ERICH2: variants seen among roughly 807,000 people sequenced by gnomAD.
ERICH2 encodes glutamate-rich protein 2.
A neutral mutation model predicts 17.4 loss-of-function variants in ERICH2; 17 were observed. The ratio of observed to expected loss-of-function variants is 0.98; its 90% CI spans 0.67 to 1.47. The LOEUF is 1.47. Among genes scored for constraint, ERICH2 ranks in the 40% most tolerant of loss-of-function variants. The probability of loss-of-function intolerance (pLI) is 0.00; values close to 1 mark genes in which losing one functional copy is unlikely to be tolerated. For synonymous variants in ERICH2, 51 were observed against 61.1 expected (o/e 0.83, Z 0.77); for missense variants, 186 against 183.2 (o/e 1.01, Z -0.09).
At chr2:170,786,738 A>G (rs1237763278) in intron 2 of ERICH2, among the ~76,000 whole-genome samples, 3 of 151,882 alleles carry the variant, frequency 2.0e-5, no homozygotes, top group African/African-American at 7.3e-5. Flanking sequence ...CTTCAGGTTT[A>G]TAATCTTTTC....
At chr2:170,790,360 C>T (rs971949535) in intron 2 of ERICH2, among the ~76,000 whole-genome samples, 1 of 152,162 alleles carries the variant, frequency 6.6e-6, no homozygotes, top group African/African-American at 2.4e-5. Context: ...GGCATGGTGC[C>T]TCACGCCTGT....
intron 2 of ERICH2, among the ~76,000 whole-genome samples, chr2:170,786,576 T>C (rs1413849943): frequency 6.6e-6 from 1 of 152,182 alleles, no homozygotes; most frequent in Non-Finnish European, 1.5e-5. Context: ...ATTCTTCAAA[T>C]ATTTTTTCTG....
At position 170,792,813 on chromosome 2, in the gene ERICH2, G is replaced by C. The variant is rs768681365; in HGVS notation, c.217-50G>C. 79 of 1,170,380 alleles carry C rather than the reference G, an allele frequency of 6.7e-5. No homozygotes were observed. In the South Asian group the frequency reaches 1.1e-3, roughly 16 times the overall value. 72.5% of individuals were successfully genotyped at this position (1,170,380 alleles called of 1,614,324 possible). A position where few individuals can be genotyped will look rare whatever the true frequency, so the allele number is the denominator to read the frequency against. On this transcript the variant is annotated intron_variant, in intron 2 of 4. Transcript: ENST00000409885. Reference sequence around the variant, plus strand: ...AATGGAAGATTTTCTAGGGAGTTTAGAGTTGACAACATTTAAATTCACTTA... The same window carrying C: ...AATGGAAGATTTTCTAGGGAGTTTACAGTTGACAACATTTAAATTCACTTA...
intron 3 of ERICH2, among the ~76,000 whole-genome samples, 173 bp downstream of exon 8, chr2:170,793,093 A>G (rs1176675392): frequency 6.6e-6 from 1 of 152,256 alleles, no homozygotes; most frequent in East Asian, 1.9e-4. Context: ...TTAGATCTCT[A>G]GAGTACATTT....
chr2:170,795,814 C>T (rs1328735999), intron 3 of ERICH2, among the ~76,000 whole-genome samples: 1 of 152,198 alleles, frequency 6.6e-6, no homozygotes, highest in Non-Finnish European at 1.5e-5. Flanking sequence ...GGGTACCACA[C>T]TTCTGCTCCC....
At chr2:170,780,694 CTT>C (rs532597202), upstream of ERICH2, among the ~76,000 whole-genome samples, 144 of 152,202 alleles carry the variant, frequency 9.5e-4, no homozygotes, top group Non-Finnish European at 1.7e-3. Context: ...TCATCTTACA[CTT>C]ATATTTGGCA....
intron 3 of ERICH2, among the ~76,000 whole-genome samples, chr2:170,795,514 AT>A (rs1559256788): frequency 1.3e-5 from 2 of 151,940 alleles, no homozygotes; most frequent in Non-Finnish European, 2.9e-5. Context: ...TGCCCAGGTA[AT>A]TTTTGTATTT....
chr2:170,785,349 G>A (rs1701134622), intron 2 of ERICH2, among the ~76,000 whole-genome samples: 1 of 152,046 alleles, frequency 6.6e-6, no homozygotes, highest in Non-Finnish European at 1.5e-5. Context: ...ACTTTCACCA[G>A]GTTAGAGGTG....
chr2:170,792,905 A>C (rs1393480664), exon 3 of ERICH2: 1 of 1,514,380 alleles, frequency 6.6e-7, no homozygotes, highest in African/African-American at 1.4e-5. Flanking sequence ...GCTGGCAAAA[A>C]AATTATGTCA....
At chr2:170,786,874 G>A (rs1254728811) in intron 2 of ERICH2, among the ~76,000 whole-genome samples, 5 of 151,888 alleles carry the variant, frequency 3.3e-5, no homozygotes, top group African/African-American at 9.7e-5. Context: ...TCATCATCAT[G>A]TTCATATTTA....
At chr2:170,782,115 A>G (rs1211973843), upstream of ERICH2, 1 of 140,248 alleles carries the variant, frequency 7.1e-6, no homozygotes, top group Non-Finnish European at 1.4e-5. Context: ...AAGATACTAC[A>G]TTTTAGCTAT....
At chr2:170,774,010 C>G in the ERICH2 span, among the ~76,000 whole-genome samples, 37,777 of 152,090 alleles carry the variant, frequency 0.25, 5,158 homozygotes, top group South Asian at 0.36. Context: ...GTGTGAGCCA[C>G]GACACCTGAC....
chr2:170,796,440 G>GTTTTTTT (rs370083171), intron 3 of ERICH2, among the ~76,000 whole-genome samples: 4 of 83,452 alleles, frequency 4.8e-5, no homozygotes, highest in African/African-American at 3.7e-5. Context: ...TTTTTTTTTT[G>GTTTTTTT]TTTTTTTTTT....
At chr2:170,787,793 C>G (rs1356501105) in intron 2 of ERICH2, among the ~76,000 whole-genome samples, 1 of 151,676 alleles carries the variant, frequency 6.6e-6, no homozygotes, top group Non-Finnish European at 1.5e-5. Flanking sequence ...CTCATGCTGG[C>G]CCCTGGAAAC....
the ERICH2 span, chr2:170,770,888 C>G: frequency 6.7e-6 from 1 of 148,334 alleles, no homozygotes; most frequent in Non-Finnish European, 1.5e-5. Context: ...CCCTCCTCGC[C>G]GCGCCCGCTC....
intron 2 of ERICH2, among the ~76,000 whole-genome samples, chr2:170,786,661 A>G (rs1701166453): frequency 6.6e-6 from 1 of 152,150 alleles, no homozygotes; most frequent in Admixed American, 6.5e-5. Context: ...CCCAGAGGTC[A>G]CTGATATACC....
At chr2:170,797,936 C>T in intron 3 of ERICH2, 105 bp from the exon 9 acceptor site, 1 of 715,908 alleles carries the variant, frequency 1.4e-6, no homozygotes, top group Non-Finnish European at 2.4e-6. Flanking sequence ...TTGCATTGTG[C>T]CTTTCACCTG....
At chr2:170,777,777 A>G in the ERICH2 span, 1 of 774,670 alleles carries the variant, frequency 1.3e-6, no homozygotes. Flanking sequence ...ATTAAATTTG[A>G]AAGGCCAGAA....
chr2:170,774,564 C>CTTCTTTTTTTTTTT, the ERICH2 span, among the ~76,000 whole-genome samples: 70 of 98,548 alleles, frequency 7.1e-4, 6 homozygotes, highest in Admixed American at 2.8e-3. Context: ...AGAGCCCCAT[C>CTTCTTTTTTTTTTT]TTTTTTTTTT....
Sources: gnomAD v4.1 joint callset for allele counts (sites outside exome capture counted in the v4.1 genomes callset) on GRCh38, gnomAD v4.1.1 for gene constraint, MANE v1.5 for transcripts, NCBI Gene and HGNC (gene_info 2026-07-23, HGNC 2026-07-21) for gene names.